The following CACNA2D3 variants were observed in gnomAD, a reference collection of about 807,000 sequenced individuals.
CACNA2D3 encodes the protein voltage-dependent calcium channel subunit alpha-2/delta-3.
A neutral mutation model predicts 160.6 loss-of-function variants in CACNA2D3; 60 were observed. That is an observed-to-expected ratio of 0.37 (90% confidence interval 0.30 to 0.46). CACNA2D3 has a LOEUF of 0.46. Among genes scored for constraint, CACNA2D3 ranks in the 20% least tolerant of loss-of-function variants. CACNA2D3 has a pLI of 1.00. For missense variants in CACNA2D3, 1,205 were observed against 1,365.0 expected, an observed-to-expected ratio of 0.88 and a Z score of 1.85; for synonymous variants, 558 against 492.9, an observed-to-expected ratio of 1.13 and a Z score of -1.75.
intron 17 of CACNA2D3, among the ~76,000 whole-genome samples, chr3:54,850,045 C>G (rs899469818): frequency 3.3e-5 from 5 of 152,182 alleles, no homozygotes; most frequent in African/African-American, 1.2e-4. Flanking sequence ...AGCGGACTCA[C>G]TTTGGTTTAA....
chr3:54,131,547 A>T (rs1484979517), intron 2 of CACNA2D3, among the ~76,000 whole-genome samples: 1 of 152,182 alleles, frequency 6.6e-6, no homozygotes, highest in Non-Finnish European at 1.5e-5. Flanking sequence ...GTTGTTTAGG[A>T]CGATATGTGG....
intron 4 of CACNA2D3, among the ~76,000 whole-genome samples, chr3:54,416,248 C>T (rs1208358595): frequency 6.6e-6 from 1 of 152,228 alleles, no homozygotes; most frequent in Non-Finnish European, 1.5e-5. Context: ...ACTTGCAAAG[C>T]TCTGCACACC....
chr3:54,658,940 A>G (rs1699921883), intron 11 of CACNA2D3, among the ~76,000 whole-genome samples: 2 of 151,984 alleles, frequency 1.3e-5, no homozygotes, highest in Admixed American at 1.3e-4. Context: ...CAAGATACAC[A>G]ACTACTTTGG....
chr3:54,734,050 G>A (rs13086256), intron 11 of CACNA2D3, among the ~76,000 whole-genome samples: 33,388 of 151,674 alleles, frequency 0.22, 3,881 homozygotes, highest in Admixed American at 0.29. Context: ...ATAGTTTTGG[G>A]GAACTATCCT....
intron 2 of CACNA2D3, among the ~76,000 whole-genome samples, chr3:54,257,939 A>G (rs1046023452): frequency 2.0e-5 from 3 of 152,238 alleles, no homozygotes; most frequent in African/African-American, 7.2e-5. Context: ...TTCAGTCCTC[A>G]TCGACAAATT....
intron 3 of CACNA2D3, among the ~76,000 whole-genome samples, chr3:54,352,935 G>A (rs1005583266): frequency 3.3e-5 from 5 of 152,092 alleles, no homozygotes; most frequent in African/African-American, 1.2e-4. Context: ...CCATACAGGC[G>A]TGCAGTGTGA....
intron 2 of CACNA2D3, among the ~76,000 whole-genome samples, chr3:54,182,727 C>T (rs1302742136): frequency 6.6e-6 from 1 of 151,954 alleles, no homozygotes; most frequent in Non-Finnish European, 1.5e-5. Flanking sequence ...GAAAGTGGGC[C>T]CTGGGCGATC....
At chr3:54,809,165 T>G (rs898466500) in intron 13 of CACNA2D3, among the ~76,000 whole-genome samples, 4 of 151,974 alleles carry the variant, frequency 2.6e-5, no homozygotes, top group Admixed American at 2.6e-4. Context: ...AAGGCCCTCC[T>G]TCTTTCATTG....
At chr3:54,518,271 C>T (rs370867331) in intron 5 of CACNA2D3, among the ~76,000 whole-genome samples, 3 of 152,050 alleles carry the variant, frequency 2.0e-5, no homozygotes, top group African/African-American at 7.2e-5. Context: ...GTGAGAGTTC[C>T]GTAAGGCCTG....
chr3:54,460,590 G>A (rs1254073072), intron 4 of CACNA2D3, among the ~76,000 whole-genome samples: 1 of 152,182 alleles, frequency 6.6e-6, no homozygotes, highest in African/African-American at 2.4e-5. Context: ...CATTATTGGT[G>A]TATAAGAATG....
chr3:54,488,272 G>T (rs988503916), intron 4 of CACNA2D3, among the ~76,000 whole-genome samples: 1 of 152,166 alleles, frequency 6.6e-6, no homozygotes, highest in Non-Finnish European at 1.5e-5. Flanking sequence ...GGCTGCTACG[G>T]GGCAGAGGGA....
intron 27 of CACNA2D3, among the ~76,000 whole-genome samples, chr3:54,911,922 A>G (rs1398454135): frequency 6.6e-6 from 1 of 152,176 alleles, no homozygotes; most frequent in Non-Finnish European, 1.5e-5. Flanking sequence ...GACATTTACT[A>G]TTGTACAGTA....
chr3:54,176,907 A>G (rs1216494008), intron 2 of CACNA2D3, among the ~76,000 whole-genome samples: 1 of 152,120 alleles, frequency 6.6e-6, no homozygotes, highest in Non-Finnish European at 1.5e-5. Context: ...GTGTGGCATT[A>G]GGGAGCTGGA....
At chr3:54,693,961 T>G in intron 11 of CACNA2D3, among the ~76,000 whole-genome samples, 1 of 152,190 alleles carries the variant, frequency 6.6e-6, no homozygotes. Context: ...AGCTTAGATA[T>G]TTATTATTGA....
At chr3:54,558,285 C>T (rs1249835174) in intron 5 of CACNA2D3, among the ~76,000 whole-genome samples, 1 of 152,190 alleles carries the variant, frequency 6.6e-6, no homozygotes, top group Non-Finnish European at 1.5e-5. Context: ...CAGCAGGGAT[C>T]TCTGGTGAGG....
chr3:55,000,139 A>T (rs976077617), intron 31 of CACNA2D3, among the ~76,000 whole-genome samples: 2 of 152,204 alleles, frequency 1.3e-5, no homozygotes, highest in African/African-American at 4.8e-5. Context: ...TGGGCTGGGC[A>T]TGATTCTCAG....
intron 11 of CACNA2D3, among the ~76,000 whole-genome samples, chr3:54,663,082 A>G (rs1359364892): frequency 6.6e-6 from 1 of 152,248 alleles, no homozygotes; most frequent in Non-Finnish European, 1.5e-5. Flanking sequence ...TGAATGAGTC[A>G]GAACACCCGC....
chr3:54,127,544 CT>C (rs1482059129), intron 2 of CACNA2D3, among the ~76,000 whole-genome samples: 1 of 152,168 alleles, frequency 6.6e-6, no homozygotes. Flanking sequence ...GCCCAGCACT[CT>C]TCAGATTGCT....
intron 10 of CACNA2D3, among the ~76,000 whole-genome samples, chr3:54,640,193 A>C (rs894610118): frequency 6.6e-6 from 1 of 152,236 alleles, no homozygotes; most frequent in East Asian, 1.9e-4. Flanking sequence ...GCTTGGGCTC[A>C]GAGGCCTGAC....
Sources: allele counts gnomAD v4.1 joint callset (sites outside exome capture counted in the v4.1 genomes callset), GRCh38; gene constraint gnomAD v4.1.1; transcripts MANE v1.5; gene names NCBI Gene and HGNC (gene_info 2026-07-23, HGNC 2026-07-21).